DGKB: variants seen among roughly 807,000 people sequenced by gnomAD.
The protein encoded by DGKB is 90 kDa diacylglycerol kinase.
DGKB carries 67 observed loss-of-function variants against 114.3 expected under a neutral mutation model. The observed-to-expected ratio is 0.59, with a 90% CI of 0.48 to 0.72. The LOEUF (loss-of-function observed/expected upper bound fraction) is 0.72, where lower values mean the gene tolerates loss of function less well. DGKB is among the 30% of genes least tolerant of loss of function. The pLI is 0.00. For synonymous variants in DGKB, 398 were observed against 323.1 expected (o/e 1.23, Z -2.49); for missense variants, 907 against 975.2 (o/e 0.93, Z 0.93).
chr7:14,278,973 G>T lies in DGKB; in HGVS notation c.2122+59542C>A, dbSNP rs528251114. 6.6e-5 allele frequency among the ~76,000 whole-genome samples: 10 copies of T among 152,314 alleles called. No individual in the cohort carries two copies. The South Asian group carries it at 1.7e-3, about 25-fold the overall frequency. ...TCTGCATTTCCATCTGAGATACGGGGTTCATCTCACTAGGGAGTGCCAGAC... is the reference window on the plus strand; with the variant it reads ...TCTGCATTTCCATCTGAGATACGGGTTTCATCTCACTAGGGAGTGCCAGAC... On this transcript the variant is annotated intron_variant, in intron 23 of 25. Coordinates refer to ENST00000402815, the MANE Select transcript of DGKB (RefSeq NM_001350709.2).
intron 23 of DGKB, among the ~76,000 whole-genome samples, chr7:14,335,986 C>T (rs1375398223): frequency 6.6e-6 from 1 of 152,134 alleles, no homozygotes; most frequent in Admixed American, 6.6e-5. Context: ...TCAAGTGATC[C>T]TCCTGCCTTG....
At chr7:14,750,066 G>A (rs1044275967) in intron 4 of DGKB, 4 of 504,762 alleles carry the variant, frequency 7.9e-6, no homozygotes, top group African/African-American at 5.8e-5. Flanking sequence ...TATGTTATAT[G>A]TGTGCTATCA....
intron 1 of DGKB, among the ~76,000 whole-genome samples, chr7:14,854,920 TA>T (rs536962722): frequency 1.3e-5 from 2 of 152,002 alleles, no homozygotes; most frequent in African/African-American, 4.8e-5. Context: ...AAGAATGATT[TA>T]AAAAAATGAA....
intron 20 of DGKB, among the ~76,000 whole-genome samples, chr7:14,537,940 C>G (rs1159079249): frequency 6.6e-6 from 1 of 151,904 alleles, no homozygotes; most frequent in Admixed American, 6.5e-5. Flanking sequence ...ATTAGCCAGG[C>G]GTGGCGGCGC....
At chr7:14,865,024 G>A (rs368700956) in intron 1 of DGKB, among the ~76,000 whole-genome samples, 1 of 152,136 alleles carries the variant, frequency 6.6e-6, no homozygotes, top group African/African-American at 2.4e-5. Context: ...AGTCACAGCA[G>A]CAGAGATGAG....
chr7:14,192,964 G>T lies in DGKB; in HGVS notation c.2123-14813C>A, dbSNP rs1351262216. ...GCATGCGCAGTTCACAATAGGGTTT[G>T]CACTCCTATGAGAATCTAATGCAGA... On this transcript the variant is annotated intron_variant, in intron 23 of 25. Transcript: ENST00000402815. 2.0e-5 allele frequency among the ~76,000 whole-genome samples: 3 copies of T among 152,032 alleles called. No homozygotes were observed. The East Asian group carries it at 5.8e-4, about 29-fold the overall frequency.
intron 14 of DGKB, among the ~76,000 whole-genome samples, chr7:14,625,497 T>G (rs1403011618): frequency 6.9e-6 from 1 of 144,454 alleles, no homozygotes; most frequent in Non-Finnish European, 1.5e-5. Context: ...TGAGAGTTAA[T>G]TACCAATGTT....
chr7:14,654,574 T>A (rs988516191), intron 13 of DGKB, among the ~76,000 whole-genome samples: 4 of 151,950 alleles, frequency 2.6e-5, no homozygotes, highest in Non-Finnish European at 5.9e-5. Context: ...CAAATACAAG[T>A]AGTCAAAGTA....
chr7:14,828,627 C>A (rs1032724779), intron 2 of DGKB, among the ~76,000 whole-genome samples: 1 of 152,006 alleles, frequency 6.6e-6, no homozygotes, highest in Non-Finnish European at 1.5e-5. Context: ...TAGAGTTGGA[C>A]AAAATGTCAT....
chr7:14,859,459 A>T (rs1211264243), intron 1 of DGKB, among the ~76,000 whole-genome samples: 3 of 152,138 alleles, frequency 2.0e-5, no homozygotes, highest in African/African-American at 7.2e-5. Context: ...AAATGACTTC[A>T]AAAGGTGAAG....
intron 13 of DGKB, among the ~76,000 whole-genome samples, chr7:14,646,355 T>C (rs182874091): frequency 6.6e-6 from 1 of 152,208 alleles, no homozygotes; most frequent in East Asian, 1.9e-4. Flanking sequence ...AACATATATA[T>C]ACACACTCAA....
At chr7:14,958,139 A>T (rs1376268454) in intron 1 of DGKB, among the ~76,000 whole-genome samples, 1 of 152,010 alleles carries the variant, frequency 6.6e-6, no homozygotes, top group Non-Finnish European at 1.5e-5. Flanking sequence ...ATAAAAATTA[A>T]GTCAACATCC....
intron 17 of DGKB, among the ~76,000 whole-genome samples, chr7:14,587,168 C>A (rs1800915046): frequency 6.6e-6 from 1 of 152,036 alleles, no homozygotes. Flanking sequence ...GGACAGAGGT[C>A]AAAATATCAG....
chr7:14,448,331 A>G (rs1008542848), intron 21 of DGKB, among the ~76,000 whole-genome samples: 4 of 152,036 alleles, frequency 2.6e-5, no homozygotes, highest in Non-Finnish European at 5.9e-5. Context: ...CTCATGTGTA[A>G]TTTGGGGGTA....
At chr7:14,633,907 A>G (rs1309458882) in intron 13 of DGKB, among the ~76,000 whole-genome samples, 1 of 151,540 alleles carries the variant, frequency 6.6e-6, no homozygotes, top group Non-Finnish European at 1.5e-5. Flanking sequence ...AAATTCTATT[A>G]TTCTTAAGTA....
chr7:14,640,494 A>G (rs963964897), intron 13 of DGKB, among the ~76,000 whole-genome samples: 1 of 152,188 alleles, frequency 6.6e-6, no homozygotes, highest in African/African-American at 2.4e-5. Flanking sequence ...ATGAGGTTGA[A>G]TAAGTCAAAG....
At chr7:14,490,137 T>C (rs1272427820) in intron 20 of DGKB, among the ~76,000 whole-genome samples, 1 of 152,076 alleles carries the variant, frequency 6.6e-6, no homozygotes, top group African/African-American at 2.4e-5. Flanking sequence ...AATATTGTTC[T>C]AGAGAAAAAG....
intron 1 of DGKB, among the ~76,000 whole-genome samples, chr7:14,969,192 A>T (rs1370995674): frequency 6.6e-6 from 1 of 152,162 alleles, no homozygotes; most frequent in South Asian, 2.1e-4. Context: ...AAAAAATTTA[A>T]ATGAATATCA....
intron 16 of DGKB, among the ~76,000 whole-genome samples, chr7:14,612,825 T>G (rs947199821): frequency 3.9e-5 from 6 of 152,186 alleles, no homozygotes; most frequent in African/African-American, 1.4e-4. Flanking sequence ...AAATAAAATG[T>G]TATCAGCCAG....
Sources: allele counts gnomAD v4.1 joint callset (sites outside exome capture counted in the v4.1 genomes callset), GRCh38; gene constraint gnomAD v4.1.1; transcripts MANE v1.5; gene names NCBI Gene and HGNC (gene_info 2026-07-23, HGNC 2026-07-21).